TPRA1: variants seen among roughly 807,000 people sequenced by gnomAD.
TPRA1 encodes the protein transmembrane protein adipocyte-associated 1.
TPRA1 carries 28 observed loss-of-function variants against 40.1 expected under a neutral mutation model. That is an observed-to-expected ratio of 0.70 (90% CI 0.52 to 0.96). TPRA1 has a LOEUF of 0.96. TPRA1 is among the 40% of genes least tolerant of loss of function. TPRA1 has a pLI of 0.00. For synonymous variants in TPRA1, 219 were observed against 209.7 expected, an observed-to-expected ratio of 1.04 and a Z score of -0.38; for missense variants, 441 against 482.6, an observed-to-expected ratio of 0.91 and a Z score of 0.81.
chr3:127,576,199 T>C lies in TPRA1; in HGVS notation c.499-149A>G. On this transcript the variant is annotated intron_variant, in intron 6 of 10. Coordinates refer to ENST00000355552, the MANE Select transcript of TPRA1 (RefSeq NM_001136053.4). This position sits in a 1 kb window ranked among gnomAD's most constrained non-coding sequence, Gnocchi z 4.6. ...CCTCAACTCACCTGCCCCAGTCTGC[T>C]CCCTGGCCATGTCCTGCCCAACTGA... The C allele has an allele frequency of 1.5e-6, 1 of 666,360 alleles. No homozygotes were observed. The highest frequency in any genetic ancestry group is 2.6e-6 in the Non-Finnish European group (1 of 380,000). The allele number at this position is 666,360 out of a possible 1,614,324, so 41.3% of individuals were successfully genotyped here.
At chr3:127,583,526 T>A (rs1328602702) in intron 1 of TPRA1, among the ~76,000 whole-genome samples, 2 of 151,982 alleles carry the variant, frequency 1.3e-5, no homozygotes, top group East Asian at 3.9e-4. Context: ...TAATTAAAAA[T>A]AATAAAATGA....
At chr3:127,584,447 TAAAAAAAAAA>T (rs1163065087) in intron 1 of TPRA1, among the ~76,000 whole-genome samples, 42 of 20,860 alleles carry the variant, frequency 2.0e-3, no homozygotes, top group East Asian at 0.013. Flanking sequence ...AGACCCTGTC[TAAAAAAAAAA>T]AAAAAAAAAA....
intron 7 of TPRA1, 42 bp from the exon 8 acceptor site, chr3:127,575,851 G>C (rs753088579): frequency 1.9e-6 from 3 of 1,612,406 alleles, no homozygotes; most frequent in Non-Finnish European, 1.7e-6. Context: ...GGGGGCGCCA[G>C]CCCAGACCCA....
rs1163065087 is a variant in TPRA1, at chr3:127,584,447, TAA to T, written c.-17-4286_-17-4285del. On this transcript the variant is annotated intron_variant, in intron 1 of 10. Coordinates refer to ENST00000355552, the MANE Select transcript of TPRA1 (RefSeq NM_001136053.4). ...CTGGGCCACAGAGTGAGACCCTGTCTAAAAAAAAAAAAAAAAAAAAAAAAAAA... is the reference window on the plus strand; with the variant it reads ...CTGGGCCACAGAGTGAGACCCTGTCTAAAAAAAAAAAAAAAAAAAAAAAAA... Among the ~76,000 whole-genome samples the T allele has an allele frequency of 5.3e-4, 11 of 20,858 alleles. No homozygotes were observed. In the East Asian group the frequency reaches 0.016, roughly 30 times the overall value. 13.7% of individuals were successfully genotyped at this position (20,858 alleles called of 152,430 possible).
upstream of TPRA1, among the ~76,000 whole-genome samples, chr3:127,594,267 C>G (rs894623643): frequency 5.9e-5 from 9 of 152,150 alleles, no homozygotes; most frequent in African/African-American, 2.2e-4. Context: ...GATTCCACAC[C>G]TGGGAGTGCT....
At position 127,590,639 on chromosome 3, in the gene TPRA1, T is replaced by C. The variant is rs2074145981; in HGVS notation, c.-247A>G. 1 of 152,242 alleles carries C rather than the reference T, an allele frequency of 6.6e-6. No homozygotes were observed. Among genetic ancestry groups the C allele is most frequent in the East Asian group, 1.9e-4 (1 of 5,162 alleles). 9.4% of individuals were successfully genotyped at this position (152,242 alleles called of 1,614,324 possible). A position where few individuals can be genotyped will look rare whatever the true frequency, so the allele number is the denominator to read the frequency against. ...GGGTCAGCTCGCCGGGCCGCGGGTCTCGCGGACACCCTGCAGCCCTTCCCG... is the reference window on the plus strand; with the variant it reads ...GGGTCAGCTCGCCGGGCCGCGGGTCCCGCGGACACCCTGCAGCCCTTCCCG... On this transcript the variant is annotated 5_prime_UTR_variant, in exon 1 of 11. Transcript: ENST00000355552.
At chr3:127,575,347 C>T (rs778542433) in intron 9 of TPRA1, 56 bp downstream of exon 9, 1 of 1,575,124 alleles carries the variant, frequency 6.3e-7, no homozygotes, top group South Asian at 1.1e-5. Context: ...GGGTGGACAC[C>T]CTGCCGCCCA....
At chr3:127,584,412 G>A (rs1211047951) in intron 1 of TPRA1, among the ~76,000 whole-genome samples, 6 of 114,732 alleles carry the variant, frequency 5.2e-5, no homozygotes, top group Admixed American at 4.0e-4. Flanking sequence ...TCACACCACT[G>A]CACTCCAGGC....
In TPRA1 at chr3:127,575,829, T is replaced by G. The variant is rs372213159; in HGVS notation, c.610-20A>C. On this transcript the variant is annotated intron_variant, in intron 7 of 10. Transcript: ENST00000355552. ...GTAGACCTACAGAGACAGGCAGGGC[T>G]GAGAAGGTGCTGGGGGCGCCAGCCC... 1.2e-4 allele frequency: 191 copies of G among 1,613,458 alleles called. No individual in the cohort carries two copies. The highest frequency in any genetic ancestry group is 1.6e-4 in the Non-Finnish European group (190 of 1,179,928).
chr3:127,593,907 T>C (rs1343421680), upstream of TPRA1, among the ~76,000 whole-genome samples: 1 of 152,142 alleles, frequency 6.6e-6, no homozygotes, highest in African/African-American at 2.4e-5. Flanking sequence ...AATACACACA[T>C]ATGGTCTTGC....
intron 1 of TPRA1, among the ~76,000 whole-genome samples, chr3:127,596,189 C>T (rs1423868314): frequency 6.6e-6 from 1 of 152,170 alleles, no homozygotes; most frequent in Non-Finnish European, 1.5e-5. Context: ...AAGTGATTCT[C>T]CTGCCTCAGC....
exon 1 of TPRA1, chr3:127,598,170 G>T (rs545216288): frequency 3.9e-6 from 2 of 510,316 alleles, no homozygotes; most frequent in East Asian, 3.7e-5. Flanking sequence ...AAGTGTCGTC[G>T]GGTCCCCTGG....
At chr3:127,590,914 A>G (rs1016757179), upstream of TPRA1, 2 of 152,148 alleles carry the variant, frequency 1.3e-5, no homozygotes, top group Non-Finnish European at 2.9e-5. Context: ...GGAGGTGCAG[A>G]GACAAGACGC....
In TPRA1 at chr3:127,573,793, T is replaced by C. The variant is rs773734997; in HGVS notation, c.855-5A>G. The C allele has an allele frequency of 6.5e-5, 101 of 1,551,346 alleles. No homozygotes were observed. Among genetic ancestry groups the C allele is most frequent in the Non-Finnish European group, 8.2e-5 (94 of 1,144,308 alleles). On this transcript the variant is annotated splice_polypyrimidine_tract_variant and splice_region_variant and intron_variant, in intron 10 of 10. Transcript: ENST00000355552. ...AAGAGGATCTTGGGCTCCGAGCTGA[T>C]AAAAGGAAAAGAGGGGCATGGAAGC...
rs2073641194 is a variant in TPRA1 at position 127,576,661 on chromosome 3, G to A, written c.454C>T (p.Leu152=). 1.9e-6 allele frequency: 3 copies of A among 1,610,908 alleles called. No homozygotes were observed. Among genetic ancestry groups the A allele is most frequent in the South Asian group, 1.1e-5 (1 of 90,474 alleles). Reference sequence around the variant, plus strand: ...AGGGACAGCACTGTGGTGATGGCCAGCACCCGCTTGATGCTGGACTTACTC... The same window carrying A: ...AGGGACAGCACTGTGGTGATGGCCAACACCCGCTTGATGCTGGACTTACTC... ...LESKSSIKRV[L]AITTVLSLAY... is the part of the protein sequence containing the mutation. The change falls in exon 6 of 11, where the codon CTG becomes TTG. Residue 152 remains leucine (L), a synonymous_variant. Coordinates refer to ENST00000355552, the MANE Select transcript of TPRA1 (RefSeq NM_001136053.4). This position sits in a 1 kb window ranked among gnomAD's most constrained non-coding sequence, Gnocchi z 4.6.
At chr3:127,577,305 G>A (rs770041309) in intron 3 of TPRA1, among the ~76,000 whole-genome samples, 14 of 152,174 alleles carry the variant, frequency 9.2e-5, no homozygotes, top group Admixed American at 2.0e-4. Flanking sequence ...CCTCCCTCTC[G>A]GGGCCCCAGC....
upstream of TPRA1, among the ~76,000 whole-genome samples, chr3:127,593,890 G>A (rs1016714125): frequency 1.3e-5 from 2 of 152,094 alleles, no homozygotes; most frequent in South Asian, 2.1e-4. Context: ...TCATAGGAAC[G>A]GCCAACAATA....
At chr3:127,591,683 C>G (rs1251578339), upstream of TPRA1, among the ~76,000 whole-genome samples, 1 of 152,192 alleles carries the variant, frequency 6.6e-6, no homozygotes, top group Non-Finnish European at 1.5e-5. Context: ...GTCTCATTTC[C>G]TTCCGAGCAT....
In TPRA1 at chr3:127,580,380, G is replaced by A. The variant is rs114533685; in HGVS notation, c.-17-217C>T. 1.9e-3 allele frequency: 1,030 copies of A among 541,058 alleles called. 8 individuals carry two copies. The highest frequency in any genetic ancestry group is 0.016 in the African/African-American group (828 of 52,820). 33.5% of individuals were successfully genotyped at this position (541,058 alleles called of 1,614,324 possible). A position where few individuals can be genotyped will look rare whatever the true frequency, so the allele number is the denominator to read the frequency against. ...TCCCCCATCTCAGGCTCTATCTCAC[G>A]ACCTGCAAATAGTCTAACAAAGCCA... is the stretch of plus-strand genomic sequence containing the variant. On this transcript the variant is annotated intron_variant, in intron 1 of 10. Coordinates refer to ENST00000355552, the MANE Select transcript of TPRA1 (RefSeq NM_001136053.4).
Sources: gnomAD v4.1 joint callset for allele counts (sites outside exome capture counted in the v4.1 genomes callset) on GRCh38, gnomAD v4.1.1 for gene constraint, Gnocchi (gnomAD v3.1) non-coding constraint, MANE v1.5 for transcripts, NCBI Gene and HGNC (gene_info 2026-07-23, HGNC 2026-07-21) for gene names.